EFCAB5: variants seen among roughly 807,000 people sequenced by gnomAD.
The protein encoded by EFCAB5 is EF-hand calcium-binding domain-containing protein 5.
In EFCAB5, 131 loss-of-function variants were observed where a neutral mutation model predicts 167.9. The observed-to-expected ratio is 0.78, with a 90% CI of 0.68 to 0.90. The LOEUF is 0.90. Ranked by LOEUF, EFCAB5 falls within the 40% of genes least tolerant of loss-of-function variation. EFCAB5 has a pLI of 0.00. For synonymous variants in EFCAB5, 574 were observed against 602.8 expected (o/e 0.95, Z 0.70); for missense variants, 1,663 against 1,745.2 (o/e 0.95, Z 0.84).
At chr17:30,094,878 C>T (rs879273699) in intron 22 of EFCAB5, among the ~76,000 whole-genome samples, 8 of 152,170 alleles carry the variant, frequency 5.3e-5, no homozygotes, top group Non-Finnish European at 1.0e-4. Flanking sequence ...CCTCTGACTC[C>T]AGTGAGCACT....
chr17:30,020,637 G>T (rs1365832651), intron 7 of EFCAB5, among the ~76,000 whole-genome samples: 2 of 152,062 alleles, frequency 1.3e-5, no homozygotes, highest in African/African-American at 4.8e-5. Context: ...TTACAGGTGT[G>T]AGCCACTGTG....
chr17:29,946,072 A>G (rs2067391128), intron 3 of EFCAB5, among the ~76,000 whole-genome samples: 1 of 152,172 alleles, frequency 6.6e-6, no homozygotes. Context: ...GGAAGAAAAT[A>G]TTTGCCATGT....
chr17:30,051,573 T>A (rs888340320), intron 9 of EFCAB5, among the ~76,000 whole-genome samples: 3 of 152,134 alleles, frequency 2.0e-5, no homozygotes, highest in Non-Finnish European at 2.9e-5. Context: ...AACAAAAAAA[T>A]TTTTTTGAGT....
chr17:30,108,033 G>A lies in EFCAB5; in HGVS notation c.*9G>A, dbSNP rs780378517. 6.2e-7 allele frequency: 1 copy of A among 1,600,950 alleles called. No homozygotes were observed. Among genetic ancestry groups the A allele is most frequent in the Non-Finnish European group, 8.5e-7 (1 of 1,176,312 alleles). ...GTTTGCAAGAGAAGTGATAATGGAT[G>A]ATAATGGAATTGATACTGTATTTAG... is the stretch of plus-strand genomic sequence containing the variant. On this transcript the variant is annotated 3_prime_UTR_variant, in exon 23 of 23. Coordinates refer to ENST00000394835, the MANE Select transcript of EFCAB5 (RefSeq NM_198529.4).
At chr17:30,027,271 C>A (rs893524252) in intron 7 of EFCAB5, among the ~76,000 whole-genome samples, 8 of 149,250 alleles carry the variant, frequency 5.4e-5, no homozygotes, top group African/African-American at 9.8e-5. Flanking sequence ...AGGCGTGAGC[C>A]ACCATGCCCA....
At chr17:29,940,628 T>A (rs1395906088), upstream of EFCAB5, among the ~76,000 whole-genome samples, 4 of 152,216 alleles carry the variant, frequency 2.6e-5, no homozygotes, top group Non-Finnish European at 4.4e-5. Context: ...TATTATTTAT[T>A]ATTTATTAAG....
chr17:29,990,396 C>G (rs1454023211), intron 4 of EFCAB5, among the ~76,000 whole-genome samples: 1 of 151,962 alleles, frequency 6.6e-6, no homozygotes, highest in Non-Finnish European at 1.5e-5. Context: ...CATTTTTCCC[C>G]ATTTCCACAT....
chr17:29,930,304 C>A, intron 1 of EFCAB5: 1 of 431,448 alleles, frequency 2.3e-6, no homozygotes, highest in Admixed American at 4.1e-5. Flanking sequence ...CTGGTCGTAA[C>A]CCTTGAGTTG....
At chr17:29,985,794 TCATGGCCATCAGGAA>T (rs940003320) in intron 4 of EFCAB5, among the ~76,000 whole-genome samples, 1 of 152,186 alleles carries the variant, frequency 6.6e-6, no homozygotes, top group Non-Finnish European at 1.5e-5. Context: ...AGCATGGGGA[TCATGGCCATCAGGAA>T]CATGTCACAG....
At chr17:29,986,729 C>T (rs1432462276) in intron 4 of EFCAB5, among the ~76,000 whole-genome samples, 1 of 136,136 alleles carries the variant, frequency 7.3e-6, no homozygotes, top group Non-Finnish European at 1.5e-5. Context: ...TCACTGCAGG[C>T]TCCGCCCCCT....
intron 18 of EFCAB5, among the ~76,000 whole-genome samples, chr17:30,086,124 T>C (rs1011573984): frequency 1.3e-5 from 2 of 152,006 alleles, no homozygotes; most frequent in African/African-American, 4.8e-5. Flanking sequence ...ACCTCCGGGG[T>C]AGCTAAGACT....
chr17:29,938,132 G>A (rs1214271753), upstream of EFCAB5, among the ~76,000 whole-genome samples: 1 of 152,156 alleles, frequency 6.6e-6, no homozygotes, highest in African/African-American at 2.4e-5. Context: ...AGACCTGGGA[G>A]ATATTTTGGG....
chr17:29,992,218 A>C (rs1344510000), intron 4 of EFCAB5, among the ~76,000 whole-genome samples: 1 of 152,190 alleles, frequency 6.6e-6, no homozygotes, highest in African/African-American at 2.4e-5. Context: ...AAATAAGTGA[A>C]AACTTGTGGT....
intron 5 of EFCAB5, among the ~76,000 whole-genome samples, chr17:29,994,970 G>T (rs1312973125): frequency 2.0e-5 from 3 of 152,100 alleles, no homozygotes; most frequent in Non-Finnish European, 2.9e-5. Flanking sequence ...ATTTTTTTAA[G>T]ATTAGAAAAT....
chr17:30,096,102 G>A (rs1339061041), intron 22 of EFCAB5, among the ~76,000 whole-genome samples: 1 of 152,154 alleles, frequency 6.6e-6, no homozygotes, highest in Non-Finnish European at 1.5e-5. Flanking sequence ...CTCATACAAT[G>A]CACAAGAGAA....
chr17:30,083,162 C>A (rs2071023824), intron 18 of EFCAB5, 119 bp downstream of exon 18: 7 of 1,314,940 alleles, frequency 5.3e-6, no homozygotes, highest in Non-Finnish European at 6.1e-6. Flanking sequence ...GACAGATTTC[C>A]CAATACAAGA....
intron 8 of EFCAB5, among the ~76,000 whole-genome samples, chr17:30,045,838 AAAAT>A (rs146756432): frequency 1.3e-5 from 2 of 151,742 alleles, no homozygotes; most frequent in African/African-American, 4.8e-5. Flanking sequence ...GGTCTCTACA[AAAAT>A]AAATAAATAA....
chr17:30,055,309 G>GA (rs1198688735), intron 10 of EFCAB5, among the ~76,000 whole-genome samples: 52 of 141,114 alleles, frequency 3.7e-4, no homozygotes, highest in South Asian at 9.2e-4. Context: ...AAGAAAGAAA[G>GA]AAGAGAGAGA....
At chr17:30,045,765 A>T (rs6505155) in intron 8 of EFCAB5, among the ~76,000 whole-genome samples, 92,606 of 151,848 alleles carry the variant, frequency 0.61, 30,189 homozygotes, top group African/African-American at 0.85. Context: ...CTCAGGAGTC[A>T]GAGGCAAGAG....
Sources: gnomAD v4.1 joint callset for allele counts (sites outside exome capture counted in the v4.1 genomes callset) on GRCh38, gnomAD v4.1.1 for gene constraint, MANE v1.5 for transcripts, NCBI Gene and HGNC (gene_info 2026-07-23, HGNC 2026-07-21) for gene names.